The following HIPK3 variants were observed in gnomAD, a reference collection of about 807,000 sequenced individuals.
The protein encoded by HIPK3 is homeodomain interacting protein kinase 3.
Under a neutral mutation model 124.2 loss-of-function variants are expected in HIPK3, and 47 were observed. The ratio of observed to expected loss-of-function variants is 0.38; its 90% CI spans 0.30 to 0.48. The LOEUF is 0.48. Among genes scored for constraint, HIPK3 ranks in the 20% least tolerant of loss-of-function variants. The pLI, the probability that HIPK3 is intolerant of heterozygous loss-of-function variation, is 0.98. For missense variants in HIPK3, 1,286 were observed against 1,454.3 expected (o/e 0.88, Z 1.88); for synonymous variants, 482 against 515.2 (o/e 0.94, Z 0.87).
upstream of HIPK3, chr11:33,256,791 A>T: frequency 1.3e-6 from 1 of 750,140 alleles, no homozygotes; most frequent in Admixed American, 1.1e-4. Flanking sequence ...TGGACAGTAG[A>T]GATGCTCTTA....
chr11:33,283,314 G>C (rs969420235), intron 1 of HIPK3, among the ~76,000 whole-genome samples: 2 of 152,094 alleles, frequency 1.3e-5, no homozygotes, highest in African/African-American at 4.8e-5. Context: ...GTTTCACCGT[G>C]TTAGCCAGGA....
At chr11:33,321,972 T>C (rs1852675515) in intron 2 of HIPK3, among the ~76,000 whole-genome samples, 1 of 152,088 alleles carries the variant, frequency 6.6e-6, no homozygotes, top group Non-Finnish European at 1.5e-5. Context: ...TCCCAGAGCT[T>C]TTCTTCATAC....
At chr11:33,317,553 C>G (rs1055984513) in intron 2 of HIPK3, among the ~76,000 whole-genome samples, 11 of 152,136 alleles carry the variant, frequency 7.2e-5, no homozygotes, top group Non-Finnish European at 1.3e-4. Context: ...AGTCGTGAGC[C>G]ACTGCACCTG....
At chr11:33,335,319 A>G (rs1853108905) in intron 3 of HIPK3, among the ~76,000 whole-genome samples, 1 of 152,200 alleles carries the variant, frequency 6.6e-6, no homozygotes, top group African/African-American at 2.4e-5. Context: ...TCTGGAAAGC[A>G]GTGTCATATA....
At chr11:33,325,285 T>C (rs1484189261) in intron 2 of HIPK3, among the ~76,000 whole-genome samples, 1 of 152,234 alleles carries the variant, frequency 6.6e-6, no homozygotes, top group Admixed American at 6.5e-5. Flanking sequence ...GGTGCTGTTA[T>C]TGTTACTTTC....
intron 16 of HIPK3, 99 bp from the exon 17 acceptor site, chr11:33,352,993 T>TA: frequency 5.7e-6 from 4 of 703,238 alleles, no homozygotes; most frequent in Non-Finnish European, 9.6e-6. Context: ...CACTATGAGT[T>TA]ATCAATCACA....
At chr11:33,295,274 A>ACCCCCC (rs1359081985) in intron 2 of HIPK3, among the ~76,000 whole-genome samples, 2 of 104,504 alleles carry the variant, frequency 1.9e-5, no homozygotes, top group African/African-American at 4.0e-5. Flanking sequence ...AGCAGCCACC[A>ACCCCCC]CCGCCCCCCC....
At chr11:33,270,170 G>A (rs529197433) in intron 1 of HIPK3, among the ~76,000 whole-genome samples, 2 of 151,388 alleles carry the variant, frequency 1.3e-5, no homozygotes, top group South Asian at 4.2e-4. Context: ...GTAGAAATGG[G>A]GTTTCACCAT....
intron 2 of HIPK3, among the ~76,000 whole-genome samples, chr11:33,300,041 A>G (rs1478818377): frequency 3.1e-4 from 44 of 142,422 alleles, no homozygotes; most frequent in South Asian, 2.5e-3. Context: ...AAAAAAAAAA[A>G]AAAGAAAGAA....
intron 2 of HIPK3, among the ~76,000 whole-genome samples, chr11:33,319,906 T>G (rs2133956326): frequency 1.3e-5 from 2 of 152,308 alleles, no homozygotes; most frequent in East Asian, 3.9e-4. Context: ...GAAAGGCAAG[T>G]GCCATGTGTT....
intron 1 of HIPK3, 80 bp downstream of exon 1, chr11:33,257,969 C>G: frequency 2.0e-6 from 2 of 976,724 alleles, no homozygotes; most frequent in Non-Finnish European, 2.4e-6. Flanking sequence ...GCCAGCGGAC[C>G]CCAAGCCTGA....
chr11:33,343,227 T>A (rs914165715), intron 8 of HIPK3, among the ~76,000 whole-genome samples: 1 of 151,140 alleles, frequency 6.6e-6, no homozygotes, highest in African/African-American at 2.4e-5. Flanking sequence ...TATATTTTGA[T>A]TCTGAAGGAT....
At position 33,354,499 on chromosome 11, in the gene HIPK3, TTAA is replaced by T. The variant is rs1853762746; in HGVS notation, c.*935_*937del. ...GAGAGTGTTTGCTGTATAATTGGAC[TTAA>T]TAAAATGTTTAGAGGTACAGTAGGC... On this transcript the variant is annotated 3_prime_UTR_variant, in exon 17 of 17. Transcript: ENST00000303296. 1 of 152,624 alleles carries T rather than the reference TTAA, an allele frequency of 6.6e-6. No individual in the cohort carries two copies. Among genetic ancestry groups the T allele is most frequent in the Non-Finnish European group, 1.5e-5 (1 of 68,018 alleles). 9.5% of individuals were successfully genotyped at this position (152,624 alleles called of 1,614,324 possible). A position where few individuals can be genotyped will look rare whatever the true frequency, so the allele number is the denominator to read the frequency against.
In HIPK3 at chr11:33,348,986, G is replaced by A. The variant is rs1004441509; in HGVS notation, c.2667-161G>A. ...GAACTTTCTAAATAACATTTAGCACGATTATTATAGCATTTTCCTTGTATC... is the reference window on the plus strand; with the variant it reads ...GAACTTTCTAAATAACATTTAGCACAATTATTATAGCATTTTCCTTGTATC... On this transcript the variant is annotated intron_variant, in intron 13 of 16. Transcript: ENST00000303296. 1.4e-4 allele frequency among the ~76,000 whole-genome samples: 22 copies of A among 152,142 alleles called. 1 individual carries two copies. The highest frequency in any genetic ancestry group is 9.2e-4 in the Admixed American group (14 of 15,276).
At chr11:33,279,469 T>C (rs539874718) in intron 1 of HIPK3, among the ~76,000 whole-genome samples, 1 of 152,202 alleles carries the variant, frequency 6.6e-6, no homozygotes, top group African/African-American at 2.4e-5. Flanking sequence ...TTCTGTTTTC[T>C]CCCTCCCTTT....
intron 1 of HIPK3, among the ~76,000 whole-genome samples, chr11:33,266,296 TC>T (rs1377684244): frequency 8.0e-6 from 1 of 125,004 alleles, no homozygotes; most frequent in Non-Finnish European, 1.7e-5. Flanking sequence ...CATTCAAACT[TC>T]TAGGCTGTTT....
intron 1 of HIPK3, among the ~76,000 whole-genome samples, chr11:33,270,469 C>T (rs939243041): frequency 1.1e-4 from 16 of 151,704 alleles, no homozygotes; most frequent in African/African-American, 2.2e-4. Flanking sequence ...CCACCACGCC[C>T]GGCTAAGAAA....
At chr11:33,298,599 T>C (rs906179960) in intron 2 of HIPK3, among the ~76,000 whole-genome samples, 3 of 152,270 alleles carry the variant, frequency 2.0e-5, no homozygotes, top group African/African-American at 7.2e-5. Flanking sequence ...TTGTTGTAGA[T>C]GCCATTAAGA....
At chr11:33,268,813 A>T (rs1851046474) in intron 1 of HIPK3, among the ~76,000 whole-genome samples, 1 of 152,072 alleles carries the variant, frequency 6.6e-6, no homozygotes, top group Non-Finnish European at 1.5e-5. Flanking sequence ...AAATCTCCTT[A>T]AAGTATCTTA....
Sources: allele counts gnomAD v4.1 joint callset (sites outside exome capture counted in the v4.1 genomes callset), GRCh38; gene constraint gnomAD v4.1.1; transcripts MANE v1.5; gene names NCBI Gene and HGNC (gene_info 2026-07-23, HGNC 2026-07-21).